DAB2IP: variants seen among roughly 807,000 people sequenced by gnomAD.
DAB2IP encodes the protein disabled homolog 2-interacting protein.
DAB2IP carries 28 observed loss-of-function variants against 107.2 expected under a neutral mutation model. The observed-to-expected ratio is 0.26, with a 90% CI of 0.19 to 0.36. DAB2IP has a LOEUF of 0.36. Ranked by LOEUF, DAB2IP falls within the 10% of genes least tolerant of loss-of-function variation. The pLI is 1.00. For synonymous variants in DAB2IP, 755 were observed against 706.4 expected (o/e 1.07, Z -1.09); for missense variants, 1,400 against 1,644.7 (o/e 0.85, Z 2.57).
At chr9:121,683,817 T>C (rs544746721) in intron 2 of DAB2IP, among the ~76,000 whole-genome samples, 2 of 151,602 alleles carry the variant, frequency 1.3e-5, no homozygotes, top group Non-Finnish European at 1.5e-5. Flanking sequence ...CTTTGAGGAG[T>C]GTATAGGAGT....
intron 14 of DAB2IP, among the ~76,000 whole-genome samples, chr9:121,780,780 G>A (rs896328761): frequency 5.9e-5 from 9 of 152,156 alleles, no homozygotes; most frequent in African/African-American, 1.2e-4. Context: ...GGACGGAGCC[G>A]GCCTCCTGCC....
chr9:121,734,236 G>T (rs1831728743), intron 3 of DAB2IP, among the ~76,000 whole-genome samples: 1 of 149,398 alleles, frequency 6.7e-6, no homozygotes, highest in Non-Finnish European at 1.5e-5. Flanking sequence ...AATTAGCCGG[G>T]CGCGGTGGCG....
At chr9:121,770,121 C>T (rs1054844563) in intron 10 of DAB2IP, among the ~76,000 whole-genome samples, 3 of 152,214 alleles carry the variant, frequency 2.0e-5, no homozygotes, top group African/African-American at 7.2e-5. Context: ...TCCACTGGGG[C>T]TCAGGTGCCA....
chr9:121,720,759 AC>A (rs1213165955), intron 3 of DAB2IP, among the ~76,000 whole-genome samples: 3 of 151,974 alleles, frequency 2.0e-5, no homozygotes, highest in Non-Finnish European at 4.4e-5. Flanking sequence ...TGCAGTAGGC[AC>A]CTGGCTCATC....
chr9:121,591,182 G>T (rs900672396), intron 1 of DAB2IP, among the ~76,000 whole-genome samples: 1 of 152,164 alleles, frequency 6.6e-6, no homozygotes, highest in African/African-American at 2.4e-5. Context: ...AAGAAATGAG[G>T]CTAGGGCCAG....
In DAB2IP at chr9:121,676,247, G is replaced by A. The variant is rs544433817; in HGVS notation, c.125-2431G>A. On this transcript the variant is annotated intron_variant, in intron 1 of 15. Coordinates refer to ENST00000408936, the Ensembl canonical transcript of DAB2IP. ...TGGACTCCTGTCCATGTGACTGTGTGGAGGGAATGGCCTGGAAAGCACACA... is the reference window on the plus strand; with the variant it reads ...TGGACTCCTGTCCATGTGACTGTGTAGAGGGAATGGCCTGGAAAGCACACA... Among the ~76,000 whole-genome samples, 27 of 152,304 alleles carry A rather than the reference G, an allele frequency of 1.8e-4. No homozygotes were observed. In the East Asian group the frequency reaches 5.2e-3, roughly 29 times the overall value.
At position 121,699,477 on chromosome 9, in the gene DAB2IP, C is replaced by T; in HGVS notation, c.362+19C>T. The T allele has an allele frequency of 1.5e-6, 2 of 1,296,486 alleles. No homozygotes were observed. Among genetic ancestry groups the T allele is most frequent in the Non-Finnish European group, 2.0e-6 (2 of 1,016,998 alleles). The allele number at this position is 1,296,486 out of a possible 1,614,324, so 80.3% of individuals were successfully genotyped here. On this transcript the variant is annotated intron_variant, in intron 3 of 15. Coordinates refer to ENST00000408936, the Ensembl canonical transcript of DAB2IP. The surrounding 1 kb of genome is among the most constrained non-coding windows in gnomAD (Gnocchi z 6.2). ...ATGAGAGGTGAGCCCGCCGCCGCCG[C>T]CCGGTCCCCCGCGCCGCCGCCCCGG...
At chr9:121,611,748 C>G (rs187616036) in intron 1 of DAB2IP, among the ~76,000 whole-genome samples, 108 of 152,068 alleles carry the variant, frequency 7.1e-4, no homozygotes, top group Non-Finnish European at 1.2e-3. Flanking sequence ...CCACAGTCAG[C>G]TAATTTTTGT....
chr9:121,693,262 C>T (rs928773772), intron 2 of DAB2IP, among the ~76,000 whole-genome samples: 1 of 152,192 alleles, frequency 6.6e-6, no homozygotes, highest in Non-Finnish European at 1.5e-5. Context: ...CCTGGCTGCC[C>T]TCTGTGGGCC....
intron 6 of DAB2IP, among the ~76,000 whole-genome samples, chr9:121,763,065 G>A (rs1834006451): frequency 6.6e-6 from 1 of 152,242 alleles, no homozygotes; most frequent in Non-Finnish European, 1.5e-5. Context: ...AGAGTCATAG[G>A]TGGATACTGA....
At chr9:121,678,208 A>G (rs1311157705) in intron 1 of DAB2IP, among the ~76,000 whole-genome samples, 1 of 152,216 alleles carries the variant, frequency 6.6e-6, no homozygotes, top group African/African-American at 2.4e-5. Flanking sequence ...GTCTCTACGA[A>G]TTGGCCTCTT....
intron 10 of DAB2IP, among the ~76,000 whole-genome samples, chr9:121,769,714 C>A (rs1040739415): frequency 7.9e-5 from 12 of 152,198 alleles, no homozygotes; most frequent in African/African-American, 2.9e-4. Context: ...ACCCTACATT[C>A]CACCTGTTCC....
chr9:121,680,817 A>C (rs1424564879), intron 2 of DAB2IP, among the ~76,000 whole-genome samples: 1 of 146,976 alleles, frequency 6.8e-6, no homozygotes, highest in Non-Finnish European at 1.5e-5. Context: ...ATCTTGGCTC[A>C]CTGCAACCTC....
At chr9:121,678,592 C>A in intron 1 of DAB2IP, 86 bp from the exon 2 acceptor site, 1 of 1,170,498 alleles carries the variant, frequency 8.5e-7, no homozygotes, top group Non-Finnish European at 1.1e-6. Flanking sequence ...TGTCTGTTGT[C>A]CTGACTGGGA....
intron 3 of DAB2IP, among the ~76,000 whole-genome samples, chr9:121,748,206 A>G (rs1832849117): frequency 6.6e-6 from 1 of 152,208 alleles, no homozygotes; most frequent in South Asian, 2.1e-4. Context: ...AATGGCACCT[A>G]GAAGGGGGAG....
At chr9:121,686,330 A>G (rs1038675651) in intron 2 of DAB2IP, among the ~76,000 whole-genome samples, 1 of 152,166 alleles carries the variant, frequency 6.6e-6, no homozygotes, top group Non-Finnish European at 1.5e-5. Flanking sequence ...AGTGAAGGGA[A>G]CAAGCCAGCC....
chr9:121,742,700 TCTGCCTTGGTTCCCTGCAC>T, intron 3 of DAB2IP: 1 of 983,154 alleles, frequency 1.0e-6, no homozygotes. Flanking sequence ...GTTGCCCCCA[TCTGCCTTGGTTCCCTGCAC>T]CTGCCTTTTC....
At chr9:121,627,143 A>ACT (rs1338663792) in intron 1 of DAB2IP, among the ~76,000 whole-genome samples, 2 of 28,164 alleles carry the variant, frequency 7.1e-5, no homozygotes, top group Middle Eastern at 0.02. Flanking sequence ...ACACACACTC[A>ACT]CACACACACA....
chr9:121,629,104 A>G (rs550981223), intron 1 of DAB2IP, among the ~76,000 whole-genome samples: 32 of 152,152 alleles, frequency 2.1e-4, no homozygotes, highest in Admixed American at 1.6e-3. Flanking sequence ...AACCCCCCAG[A>G]CTCAGTGATG....
Sources: allele counts gnomAD v4.1 joint callset (sites outside exome capture counted in the v4.1 genomes callset), GRCh38; gene constraint gnomAD v4.1.1; non-coding constraint Gnocchi (gnomAD v3.1); transcripts MANE v1.5; gene names NCBI Gene and HGNC (gene_info 2026-07-23, HGNC 2026-07-21).